Variants in RTN4IP1 observed in about 807,000 individuals in gnomAD.
RTN4IP1 encodes the protein reticulon 4 interacting protein 1.
A neutral mutation model predicts 46.6 loss-of-function variants in RTN4IP1; 32 were observed. The ratio of observed to expected loss-of-function variants is 0.69; its 90% confidence interval spans 0.52 to 0.92. The LOEUF (loss-of-function observed/expected upper bound fraction) is 0.92. RTN4IP1 is among the 40% of genes least tolerant of loss of function. RTN4IP1 has a pLI of 0.00. For synonymous variants in RTN4IP1, 167 were observed against 161.8 expected (o/e 1.03, Z -0.24); for missense variants, 424 against 485.8 (o/e 0.87, Z 1.20).
intron 6 of RTN4IP1, among the ~76,000 whole-genome samples, chr6:106,590,918 G>T (rs923574957): frequency 6.6e-6 from 1 of 152,052 alleles, no homozygotes; most frequent in East Asian, 1.9e-4. Flanking sequence ...GGACATGGGA[G>T]CTTTAGGTTG....
intron 6 of RTN4IP1, among the ~76,000 whole-genome samples, chr6:106,589,564 G>T (rs1028196263): frequency 3.5e-4 from 54 of 152,146 alleles, no homozygotes; most frequent in African/African-American, 1.3e-3. Context: ...TGTGGATCCA[G>T]CTCTCCCAAC....
At chr6:106,627,828 C>T (rs1776687782) in intron 1 of RTN4IP1, among the ~76,000 whole-genome samples, 1 of 131,002 alleles carries the variant, frequency 7.6e-6, no homozygotes, top group South Asian at 2.7e-4. Context: ...TCTTGGCTCA[C>T]TGCAACCTCC....
At chr6:106,626,311 A>C (rs1776641390) in intron 1 of RTN4IP1, among the ~76,000 whole-genome samples, 1 of 151,988 alleles carries the variant, frequency 6.6e-6, no homozygotes, top group South Asian at 2.1e-4. Flanking sequence ...ACATTACAAC[A>C]TTTGCCATCT....
intron 6 of RTN4IP1, among the ~76,000 whole-genome samples, chr6:106,590,759 G>A (rs1291652126): frequency 7.0e-6 from 1 of 141,860 alleles, no homozygotes; most frequent in African/African-American, 2.6e-5. Flanking sequence ...CTAAACTACT[G>A]CTTTCTAGAA....
intron 4 of RTN4IP1, among the ~76,000 whole-genome samples, chr6:106,618,746 G>T (rs890467493): frequency 3.3e-5 from 5 of 152,186 alleles, no homozygotes; most frequent in African/African-American, 4.8e-5. Flanking sequence ...ATATTCAATA[G>T]TTGTGCAGTC....
At chr6:106,617,720 CT>C (rs1252639936) in intron 4 of RTN4IP1, among the ~76,000 whole-genome samples, 2 of 152,234 alleles carry the variant, frequency 1.3e-5, no homozygotes, top group East Asian at 1.9e-4. Flanking sequence ...TTTTTCTTAT[CT>C]TCTAAATTGT....
intron 7 of RTN4IP1, among the ~76,000 whole-genome samples, chr6:106,584,479 A>G (rs1026993074): frequency 7.2e-5 from 11 of 152,210 alleles, no homozygotes; most frequent in Admixed American, 7.2e-4. Flanking sequence ...ATAAGCTACT[A>G]CCATGGCGTG....
At chr6:106,618,686 T>A (rs1776408630) in intron 4 of RTN4IP1, among the ~76,000 whole-genome samples, 1 of 152,202 alleles carries the variant, frequency 6.6e-6, no homozygotes, top group Non-Finnish European at 1.5e-5. Flanking sequence ...CATTGGGGAA[T>A]CAGAATTGAC....
At chr6:106,574,566 G>T (rs914845065) in intron 8 of RTN4IP1, among the ~76,000 whole-genome samples, 19 of 152,198 alleles carry the variant, frequency 1.2e-4, no homozygotes, top group Admixed American at 1.2e-3. Flanking sequence ...TCACCTGAAT[G>T]CATGCCTAAA....
chr6:106,624,803 G>A (rs1487088624), intron 1 of RTN4IP1, among the ~76,000 whole-genome samples: 1 of 150,978 alleles, frequency 6.6e-6, no homozygotes, highest in Non-Finnish European at 1.5e-5. Flanking sequence ...AGGCATAGTG[G>A]TACATGCCTG....
chr6:106,583,380 A>G lies in RTN4IP1; in HGVS notation c.1031T>C (p.Met344Thr), dbSNP rs759975101. 34 of 1,613,816 alleles carry G rather than the reference A, an allele frequency of 2.1e-5. No homozygotes were observed. The highest frequency in any genetic ancestry group is 3.3e-4 in the Middle Eastern group (2 of 6,060). Residue 344 changes from methionine to threonine, a missense_variant, in exon 8 of 9, where the codon ATG (methionine) becomes ACG (threonine). By Grantham distance (81) the Met-to-Thr change is moderately conservative (BLOSUM62 -1). Coordinates refer to ENST00000369063, the MANE Select transcript of RTN4IP1 (RefSeq NM_032730.5). ...GTCATCTAAACATGGGCCACTGGCC[A>G]TGAAAAATGCCCAGCGATAATGGAC... ...KGVHYRWAFF[M>T]ASGPCLDDIA...
chr6:106,625,124 T>C (rs1776603743), intron 1 of RTN4IP1, among the ~76,000 whole-genome samples: 1 of 151,752 alleles, frequency 6.6e-6, no homozygotes, highest in African/African-American at 2.4e-5. Context: ...CAAAAGTATC[T>C]GTTATTCTCT....
chr6:106,628,030 T>C (rs187354067), intron 1 of RTN4IP1, among the ~76,000 whole-genome samples: 79 of 138,776 alleles, frequency 5.7e-4, no homozygotes, highest in Non-Finnish European at 4.5e-4. Flanking sequence ...AAAGCGCCCT[T>C]GCACTCCAGC....
intron 6 of RTN4IP1, among the ~76,000 whole-genome samples, chr6:106,589,104 C>CAGAAGAAGAAGAGGAAGAAGAGGA (rs1775555812): frequency 3.4e-5 from 4 of 119,048 alleles, no homozygotes; most frequent in African/African-American, 1.3e-4. Flanking sequence ...GAGCGAAACT[C>CAGAAGAAGAAGAGGAAGAAGAGGA]AGAAGAAGAA....
In RTN4IP1 at chr6:106,622,856, A is replaced by G. The variant is rs1776516687; in HGVS notation, c.388T>C (p.Cys130Arg). 6.2e-7 allele frequency: 1 copy of G among 1,614,046 alleles called. No individual in the cohort carries two copies. The highest frequency in any genetic ancestry group is 8.5e-7 in the Non-Finnish European group (1 of 1,179,992). Residue 130 changes from cysteine (C) to arginine (R), a missense_variant, in exon 2 of 9, where the codon TGT becomes CGT. Physicochemically the swap from Cys to Arg is radical, Grantham distance 180 (BLOSUM62 -3). Transcript: ENST00000369063. ...GRDVSGVVME[C>R]GLDVKYFKPG... ...TTGAAGTATTTCACATCAAGCCCAC[A>G]TTCCATCACCACGCCAGAGACATCC...
chr6:106,606,871 C>G (rs1322785031), intron 4 of RTN4IP1, among the ~76,000 whole-genome samples: 1 of 151,980 alleles, frequency 6.6e-6, no homozygotes, highest in Admixed American at 6.5e-5. Context: ...ATCAAAATAT[C>G]AATGACATTC....
At chr6:106,585,728 T>C (rs922724837) in intron 7 of RTN4IP1, among the ~76,000 whole-genome samples, 2 of 152,120 alleles carry the variant, frequency 1.3e-5, no homozygotes, top group African/African-American at 2.4e-5. Context: ...CAGAAAGACA[T>C]TGAAAACTAC....
intron 1 of RTN4IP1, among the ~76,000 whole-genome samples, chr6:106,624,953 AAAAAG>A (rs2114684923): frequency 9.4e-6 from 1 of 106,198 alleles, no homozygotes; most frequent in Non-Finnish European, 1.9e-5. Flanking sequence ...AAAAAAAAAG[AAAAAG>A]AAAAAGAAAA....
chr6:106,619,234 A>T lies in RTN4IP1; in HGVS notation c.588T>A (p.Gly196=). ...LTAWSAINKV[G]GLNDKNCTGK... The stretch of plus-strand genomic sequence containing the variant: ...CTGTGCAATTCTTGTCATTCAGGCC[A>T]CCAACTTTGTTTATAGCAGACCAGG... The change falls in exon 4 of 9, where the codon GGT becomes GGA. Residue 196 remains glycine, a synonymous_variant. Transcript: ENST00000369063. 1.2e-6 allele frequency: 2 copies of T among 1,614,228 alleles called. No individual in the cohort carries two copies. Among genetic ancestry groups the T allele is most frequent in the Non-Finnish European group, 1.7e-6 (2 of 1,180,028 alleles).
Sources: allele counts gnomAD v4.1 joint callset (sites outside exome capture counted in the v4.1 genomes callset), GRCh38; gene constraint gnomAD v4.1.1; transcripts MANE v1.5; gene names NCBI Gene and HGNC (gene_info 2026-07-23, HGNC 2026-07-21).